Variants in SLC2A8 observed in about 807,000 individuals in gnomAD.
The protein encoded by SLC2A8 is solute carrier family 2, facilitated glucose transporter member 8.
A neutral mutation model predicts 49.2 loss-of-function variants in SLC2A8; 53 were observed. The ratio of observed to expected loss-of-function variants is 1.08; its 90% CI spans 0.86 to 1.35. SLC2A8 has a LOEUF of 1.35. SLC2A8 is among the 40% of genes most tolerant of loss of function. The pLI, the probability that SLC2A8 is intolerant of heterozygous loss-of-function variation, is 0.00. For missense variants in SLC2A8, 688 were observed against 671.7 expected, an observed-to-expected ratio of 1.02 and a Z score of -0.27; for synonymous variants, 299 against 297.0, an observed-to-expected ratio of 1.01 and a Z score of -0.07.
Position 127,397,931 on chromosome 9 carries a change from G to T in SLC2A8, c.246G>T (p.Ala82=), listed in dbSNP as rs1268194381. ...CTGTCGTGACCCTGGGTGCCGCGGC[G>T]GGGGGAGTGCTGGGCGGCTGGCTGG... The part of the protein sequence containing the change: ...FGAVVTLGAA[A]GGVLGGWLVD... Residue 82 remains alanine, a synonymous_variant, in exon 3 of 10, where the codon GCG becomes GCT. Transcript: ENST00000373371. 59 of 1,530,124 alleles carry T rather than the reference G, an allele frequency of 3.9e-5. No homozygotes were observed. Among genetic ancestry groups the T allele is most frequent in the Non-Finnish European group, 5.0e-5 (57 of 1,144,850 alleles). 94.8% of individuals were successfully genotyped at this position (1,530,124 alleles called of 1,614,324 possible). A position where few individuals can be genotyped will look rare whatever the true frequency, so the allele number is the denominator to read the frequency against.
rs753940346 is a variant in SLC2A8, at chr9:127,397,195, G to A, written c.-36G>A. 2.1e-6 allele frequency: 3 copies of A among 1,446,896 alleles called. No individual in the cohort carries two copies. The highest frequency in any genetic ancestry group is 2.7e-5 in the South Asian group (2 of 73,874). 89.6% of individuals were successfully genotyped at this position (1,446,896 alleles called of 1,614,324 possible). On this transcript the variant is annotated 5_prime_UTR_variant, in exon 1 of 10. Coordinates refer to ENST00000373371, the MANE Select transcript of SLC2A8 (RefSeq NM_014580.5). The stretch of plus-strand genomic sequence containing the variant: ...CACTCGCAGGGCCCGTGGCGGTTCA[G>A]GCGCCAGAGCTGGCCGATCGGCGTT...
rs1833329155 is a variant in SLC2A8, at chr9:127,402,585, T to C, written c.555T>C (p.Ala185=). 1 of 1,584,922 alleles carries C rather than the reference T, an allele frequency of 6.3e-7. No individual in the cohort carries two copies. Among genetic ancestry groups the C allele is most frequent in the Non-Finnish European group, 8.6e-7 (1 of 1,169,136 alleles). ...AGWVLEWRWL[A]VLGCVPPSLM... ...GGGTGCTGGAGTGGCGCTGGCTGGC[T>C]GTGCTGGGCTGCGTGCCCCCCTCCC... Residue 185 remains alanine, a synonymous_variant, in exon 5 of 10, where the codon GCT becomes GCC. Transcript: ENST00000373371.
chr9:127,403,348 C>T (rs1022665110), intron 5 of SLC2A8: 6 of 433,656 alleles, frequency 1.4e-5, no homozygotes, highest in Non-Finnish European at 2.1e-5. Flanking sequence ...GGGCCAGGCC[C>T]AGACCTGAGG....
chr9:127,398,638 G>C (rs1357286796), intron 3 of SLC2A8, among the ~76,000 whole-genome samples: 1 of 152,136 alleles, frequency 6.6e-6, no homozygotes, highest in Non-Finnish European at 1.5e-5. Context: ...CCTGACCCAG[G>C]CTGCCCACTT....
Position 127,398,031 on chromosome 9 carries a change from G to T in SLC2A8, c.346G>T (p.Ala116Ser). The T allele has an allele frequency of 6.3e-7, 1 of 1,580,328 alleles. No homozygotes were observed. Reference sequence around the variant, plus strand: ...CGTGGCCGGCTTTGCCGTCATCACCGCGGCCCAGGACGTGTGGATGCTGCT... The same window carrying T: ...CGTGGCCGGCTTTGCCGTCATCACCTCGGCCCAGGACGTGTGGATGCTGCT... Reference protein sequence around the residue: ...PFVAGFAVITAAQDVWMLLGG... With the variant: ...PFVAGFAVITSAQDVWMLLGG... The change falls in exon 3 of 10, where the codon GCG becomes TCG. Residue 116 changes from alanine (A) to serine (S), a missense_variant. Physicochemically the swap from Ala to Ser is moderately conservative, Grantham distance 99. Coordinates refer to ENST00000373371, the MANE Select transcript of SLC2A8 (RefSeq NM_014580.5).
Position 127,397,404 on chromosome 9 carries a change from G to C in SLC2A8, c.85G>C (p.Ala29Pro), listed in dbSNP as rs759547084. 3 of 1,473,682 alleles carry C rather than the reference G, an allele frequency of 2.0e-6. No homozygotes were observed. Among genetic ancestry groups the C allele is most frequent in the Non-Finnish European group, 2.7e-6 (3 of 1,120,918 alleles). 91.3% of individuals were successfully genotyped at this position (1,473,682 alleles called of 1,614,324 possible). The change falls in exon 2 of 10, where the codon GCC becomes CCC. Residue 29 changes from alanine to proline, a missense_variant. Transcript: ENST00000373371. ...GCCCCGCGGCCGCCGCGTCTTCCTCGCCGCCTTCGCCGCTGCCCTGGGCCC... is the reference window on the plus strand; with the variant it reads ...GCCCCGCGGCCGCCGCGTCTTCCTCCCCGCCTTCGCCGCTGCCCTGGGCCC... Reference protein sequence around the residue: ...SAPRGRRVFLAAFAAALGPLS... With the variant: ...SAPRGRRVFLPAFAAALGPLS...
chr9:127,404,904 A>T lies in SLC2A8; in HGVS notation c.1063A>T (p.Ile355Phe). ...CCCTGGCAACTCCTCGCACGTGGCC[A>T]TCTCGGCGCCTGTCTCTGCACAGCC... ...GGPGNSSHVAISAPVSAQPVD... is the reference protein window; with the variant it reads ...GGPGNSSHVAFSAPVSAQPVD... The change falls in exon 8 of 10, where the codon ATC (isoleucine) becomes TTC (phenylalanine). Residue 355 changes from isoleucine to phenylalanine, a missense_variant. Coordinates refer to ENST00000373371, the MANE Select transcript of SLC2A8 (RefSeq NM_014580.5). 1 of 1,612,648 alleles carries T rather than the reference A, an allele frequency of 6.2e-7. No individual in the cohort carries two copies. Among genetic ancestry groups the T allele is most frequent in the South Asian group, 1.1e-5 (1 of 91,082 alleles).
At chr9:127,403,267 A>C in intron 5 of SLC2A8, 1 of 82,934 alleles carries the variant, frequency 1.2e-5, no homozygotes, top group African/African-American at 8.8e-5. Context: ...CTCAGTGGGG[A>C]GGGTGGGGTC....
Position 127,397,552 on chromosome 9 carries a change from C to A in SLC2A8, c.219+14C>A. ...TCCTGGTTCGGGGTGAGGCCCCGGG[C>A]TCGCTCCTCCCGCCCTGGGACCCCA... On this transcript the variant is annotated intron_variant, in intron 2 of 9. Transcript: ENST00000373371. 6 of 1,399,132 alleles carry A rather than the reference C, an allele frequency of 4.3e-6. No individual in the cohort carries two copies. The highest frequency in any genetic ancestry group is 5.5e-6 in the Non-Finnish European group (6 of 1,088,772). 86.7% of individuals were successfully genotyped at this position (1,399,132 alleles called of 1,614,324 possible).
intron 9 of SLC2A8, 93 bp from the exon 10 acceptor site, chr9:127,407,019 A>G: frequency 7.0e-7 from 1 of 1,434,406 alleles, no homozygotes; most frequent in Non-Finnish European, 9.6e-7. Flanking sequence ...GGGTCAGGGG[A>G]CTGGACCCCC....
chr9:127,402,372 T>G, intron 4 of SLC2A8, 185 bp from the exon 5 acceptor site: 2 of 873,854 alleles, frequency 2.3e-6, no homozygotes, highest in Non-Finnish European at 3.3e-6. Flanking sequence ...CCGCAGCTGG[T>G]GTGATTGGCC....
Position 127,407,280 on chromosome 9 carries a change from G to A in SLC2A8, c.*31G>A. The A allele has an allele frequency of 6.2e-7, 1 of 1,611,908 alleles. No individual in the cohort carries two copies. The highest frequency in any genetic ancestry group is 8.5e-7 in the Non-Finnish European group (1 of 1,179,276). ...ACTCACTAGGGGATGGAGCAAGCCT[G>A]TGACTCCAAGCTGGGCCCAAGCCCA... On this transcript the variant is annotated 3_prime_UTR_variant, in exon 10 of 10. Coordinates refer to ENST00000373371, the MANE Select transcript of SLC2A8 (RefSeq NM_014580.5).
At chr9:127,402,331 A>C in intron 4 of SLC2A8, 1 of 549,684 alleles carries the variant, frequency 1.8e-6, no homozygotes, top group Non-Finnish European at 3.0e-6. Flanking sequence ...GCAGCCTAGT[A>C]ATGTCCGCGT....
At chr9:127,398,346 T>C in intron 3 of SLC2A8, 1 of 774,504 alleles carries the variant, frequency 1.3e-6, no homozygotes. Context: ...TGAAGTCCTT[T>C]GCCCAGGCGA....
chr9:127,400,111 T>C (rs951891126), intron 4 of SLC2A8, 105 bp downstream of exon 4: 1 of 894,460 alleles, frequency 1.1e-6, no homozygotes, highest in Non-Finnish European at 1.7e-6. Context: ...TGAGGTCACA[T>C]AGCCAGTGCC....
intron 9 of SLC2A8, chr9:127,405,965 T>A: frequency 1.9e-6 from 1 of 529,200 alleles, no homozygotes. Flanking sequence ...CTTCTTTGGC[T>A]GAAACTGGAG....
At chr9:127,400,166 C>CTGTTTTTTTTTTTT (rs1833223301) in intron 4 of SLC2A8, among the ~76,000 whole-genome samples, 160 bp downstream of exon 4, 1 of 116,808 alleles carries the variant, frequency 8.6e-6, no homozygotes, top group Non-Finnish European at 1.7e-5. Flanking sequence ...ATAGGTGAGT[C>CTGTTTTTTTTTTTT]TTTTTTTTTT....
At position 127,399,863 on chromosome 9, in the gene SLC2A8, GAGCCACTGCGCCC is replaced by G. The variant is rs1192217338; in HGVS notation, c.427-38_427-26del. 2 of 1,557,326 alleles carry G rather than the reference GAGCCACTGCGCCC, an allele frequency of 1.3e-6. No homozygotes were observed. On this transcript the variant is annotated intron_variant, in intron 3 of 9. Coordinates refer to ENST00000373371, the MANE Select transcript of SLC2A8 (RefSeq NM_014580.5). This position sits in a 1 kb window ranked among gnomAD's most constrained non-coding sequence, Gnocchi z 4.2. ...CCCAGAGTGCTGGGATTGCAGGCAT[GAGCCACTGCGCCC>G]AGCCATAAATCCTCATCTGATTGCT...
intron 3 of SLC2A8, chr9:127,398,321 G>A (rs776992243): frequency 2.6e-6 from 2 of 782,198 alleles, no homozygotes; most frequent in East Asian, 2.4e-5. Context: ...GTCATGACAT[G>A]CAGTCTCGGA....
Sources: allele counts gnomAD v4.1 joint callset (sites outside exome capture counted in the v4.1 genomes callset), GRCh38; gene constraint gnomAD v4.1.1; non-coding constraint Gnocchi (gnomAD v3.1); transcripts MANE v1.5; gene names NCBI Gene and HGNC (gene_info 2026-07-23, HGNC 2026-07-21).